Variants in APOBEC3B observed in about 807,000 individuals in gnomAD.
APOBEC3B encodes the protein DNA dC->dU-editing enzyme APOBEC-3B.
In APOBEC3B, 29 loss-of-function variants were observed where a neutral mutation model predicts 53.4. The ratio of observed to expected loss-of-function variants is 0.54; its 90% confidence interval spans 0.40 to 0.74. The LOEUF is 0.74. Among genes scored for constraint, APOBEC3B ranks in the 30% least tolerant of loss-of-function variants. The pLI is 0.00. For synonymous variants in APOBEC3B, 132 were observed against 184.8 expected (o/e 0.71, Z 2.32); for missense variants, 347 against 496.2 (o/e 0.70, Z 2.86).
rs184400638 is a variant in APOBEC3B at position 38,987,555 on chromosome 22, G to T, written c.569+1143G>T. Among the ~76,000 whole-genome samples the T allele has an allele frequency of 8.7e-5, 13 of 148,614 alleles. 2 individuals are homozygous for T. In the South Asian group the frequency reaches 2.7e-3, roughly 30 times the overall value. On this transcript the variant is annotated intron_variant, in intron 4 of 7. Coordinates refer to ENST00000333467, the MANE Select transcript of APOBEC3B (RefSeq NM_004900.5). Reference sequence around the variant, plus strand: ...GATGATTGGAGCAATCAGGCATTTTGTTCTTAGCATTTTGATGGAATTTCT... The same window carrying T: ...GATGATTGGAGCAATCAGGCATTTTTTTCTTAGCATTTTGATGGAATTTCT...
chr22:38,983,656 A>G lies in APOBEC3B; in HGVS notation c.18-419A>G. Among the ~76,000 whole-genome samples the G allele has an allele frequency of 1.3e-5, 2 of 149,466 alleles. 1 individual carries two copies. The highest frequency in any genetic ancestry group is 3.0e-5 in the Non-Finnish European group (2 of 67,472). On this transcript the variant is annotated intron_variant, in intron 1 of 7. Transcript: ENST00000333467. ...CACTTAGAAGAGTGGCCTGGGCCTC[A>G]GAATTCAGTTCTACCATGATTTTAA...
Position 38,991,757 on chromosome 22 carries a change from G to A in APOBEC3B, c.1018+131G>A, listed in dbSNP as rs1329209893. ...GACTCTGGGACCTGACTTTGGGGTC[G>A]ATGGGAAGAGAGAGGCCAGGCCAGG... On this transcript the variant is annotated intron_variant, in intron 6 of 7. Coordinates refer to ENST00000333467, the MANE Select transcript of APOBEC3B (RefSeq NM_004900.5). The A allele has an allele frequency of 1.7e-5, 22 of 1,297,416 alleles. 3 individuals are homozygous for A. The highest frequency in any genetic ancestry group is 3.0e-5 in the African/African-American group (2 of 67,774). The allele number at this position is 1,297,416 out of a possible 1,614,324, so 80.4% of individuals were successfully genotyped here.
chr22:38,989,515 C>G lies in APOBEC3B; in HGVS notation c.628C>G (p.Arg210Gly). ...FNFNNDPLVL[R>G]RRQTYLCYEV... ...CTTTAATAATGACCCTTTGGTCCTT[C>G]GACGGCGCCAGACCTACTTGTGCTA... The change falls in exon 5 of 8, where the codon CGA becomes GGA. Residue 210 changes from arginine to glycine, a missense_variant. Physicochemically the swap from Arg to Gly is moderately radical, Grantham distance 125 (BLOSUM62 -2). This residue lies in a region of APOBEC3B where 156 missense variants were observed against 166.7 expected (regional missense o/e 0.94). Coordinates refer to ENST00000333467, the MANE Select transcript of APOBEC3B (RefSeq NM_004900.5). 6.3e-7 allele frequency: 1 copy of G among 1,588,684 alleles called. No individual in the cohort carries two copies.
intron 5 of APOBEC3B, among the ~76,000 whole-genome samples, 176 bp downstream of exon 5, chr22:38,989,786 A>G (rs562770901): frequency 6.7e-6 from 1 of 148,334 alleles, no homozygotes; most frequent in Non-Finnish European, 1.5e-5. Context: ...GTGACTCTCC[A>G]TGGCCAGGTG....
intron 4 of APOBEC3B, among the ~76,000 whole-genome samples, chr22:38,989,022 C>T (rs1195598718): frequency 6.8e-6 from 1 of 147,806 alleles, no homozygotes; most frequent in Non-Finnish European, 1.5e-5. Context: ...CAGGAGTGTC[C>T]CTGCCCCAAT....
chr22:38,983,088 G>A (rs1308135271), intron 1 of APOBEC3B, among the ~76,000 whole-genome samples: 2 of 148,158 alleles, frequency 1.3e-5, no homozygotes, highest in African/African-American at 4.9e-5. Flanking sequence ...GGAGGCCAAG[G>A]CGGGCGGATC....
rs1569039133 is a variant in APOBEC3B, at chr22:38,988,730, T to TTTCTTTCTTTCC, written c.570-716_570-715insCTTCTTTCTTTC. 9.5e-5 allele frequency among the ~76,000 whole-genome samples: 13 copies of TTTCTTTCTTTCC among 137,026 alleles called. 1 individual carries two copies. Among genetic ancestry groups the TTTCTTTCTTTCC allele is most frequent in the Admixed American group, 1.6e-4 (2 of 12,874 alleles). The allele number at this position is 137,026 out of a possible 152,430, so 89.9% of individuals were successfully genotyped here. A position where few individuals can be genotyped will look rare whatever the true frequency, so the allele number is the denominator to read the frequency against. On this transcript the variant is annotated intron_variant, in intron 4 of 7. Transcript: ENST00000333467. ...CTTTCTTTCTTTCTTTCTTTCTTTCTTTCTTTCTTTCTTTCTTCCTTTCTT... is the reference window on the plus strand; with the variant it reads ...CTTTCTTTCTTTCTTTCTTTCTTTCTTTCTTTCTTTCCTTCTTTCTTTCTTTCTTCCTTTCTT...
rs1923899223 is a variant in APOBEC3B at position 38,989,441 on chromosome 22, C to T, written c.570-16C>T. The T allele has an allele frequency of 1.3e-6, 2 of 1,553,792 alleles. No individual in the cohort carries two copies. Among genetic ancestry groups the T allele is most frequent in the Non-Finnish European group, 8.7e-7 (1 of 1,144,418 alleles). On this transcript the variant is annotated splice_polypyrimidine_tract_variant and intron_variant, in intron 4 of 7. Transcript: ENST00000333467. ...GGAGTCTTAGGGCTTTTGGTTTCCC[C>T]TGTCTTTGTCCACAGATACCTGATG...
chr22:38,985,244 T>C, intron 2 of APOBEC3B, among the ~76,000 whole-genome samples: 1 of 148,124 alleles, frequency 6.8e-6, no homozygotes, highest in South Asian at 2.2e-4. Flanking sequence ...TTTTGGTTTT[T>C]TTTTAAGACT....
intron 5 of APOBEC3B, 98 bp downstream of exon 5, chr22:38,989,708 G>A: frequency 8.2e-7 from 1 of 1,217,902 alleles, no homozygotes; most frequent in Non-Finnish European, 1.1e-6. Flanking sequence ...TTCCTGCAGT[G>A]TTTGTCACTT....
chr22:38,991,572 G>C lies in APOBEC3B; in HGVS notation c.964G>C (p.Ala322Pro). 1 of 1,592,744 alleles carries C rather than the reference G, an allele frequency of 6.3e-7. No homozygotes were observed. Among genetic ancestry groups the C allele is most frequent in the South Asian group, 1.1e-5 (1 of 88,730 alleles). Residue 322 changes from alanine to proline, a missense_variant, in exon 6 of 8, where the codon GCG (alanine) becomes CCG (proline). This residue lies in a region of APOBEC3B where 78 missense variants were observed against 103.9 expected (regional missense o/e 0.75). Coordinates refer to ENST00000333467, the MANE Select transcript of APOBEC3B (RefSeq NM_004900.5). ...TGATTACGACCCCCTATATAAGGAG[G>C]CGCTGCAAATGCTGCGGGATGCTGG... ...IYDYDPLYKE[A>P]LQMLRDAGAQ...
At chr22:38,984,961 G>C (rs2146288367) in intron 2 of APOBEC3B, among the ~76,000 whole-genome samples, 1 of 120,504 alleles carries the variant, frequency 8.3e-6, no homozygotes, top group African/African-American at 3.2e-5. Context: ...GAGTGCAATT[G>C]CACAATCTTG....
At position 38,989,559 on chromosome 22, in the gene APOBEC3B, C is replaced by T; in HGVS notation, c.672C>T (p.Asp224=). The change falls in exon 5 of 8, where the codon GAC becomes GAT. Residue 224 remains aspartate (D), a synonymous_variant. Transcript: ENST00000333467. ...TYLCYEVERL[D]NGTWVLMDQH... ...TGTGCTATGAGGTGGAGCGCCTGGA[C>T]AATGGCACCTGGGTCCTGATGGACC... 1 of 1,588,966 alleles carries T rather than the reference C, an allele frequency of 6.3e-7. No individual in the cohort carries two copies. Among genetic ancestry groups the T allele is most frequent in the African/African-American group, 1.3e-5 (1 of 74,294 alleles).
chr22:38,988,153 C>T (rs1282056216), intron 4 of APOBEC3B, among the ~76,000 whole-genome samples: 4 of 148,498 alleles, frequency 2.7e-5, no homozygotes, highest in Non-Finnish European at 5.9e-5. Context: ...ACTCACCTCT[C>T]ACCCTCAAAC....
intron 4 of APOBEC3B, 127 bp from the exon 5 acceptor site, chr22:38,989,330 A>T (rs917254302): frequency 3.6e-5 from 31 of 852,662 alleles, no homozygotes; most frequent in Non-Finnish European, 5.1e-5. Flanking sequence ...AGGGAGTGGA[A>T]GCGCCTCCTC....
chr22:38,987,408 C>T (rs1221434827), intron 4 of APOBEC3B, among the ~76,000 whole-genome samples: 1 of 148,362 alleles, frequency 6.7e-6, no homozygotes, highest in Non-Finnish European at 1.5e-5. Flanking sequence ...CAGGCCAGAC[C>T]CCCTGCTGAG....
intron 4 of APOBEC3B, 62 bp from the exon 5 acceptor site, chr22:38,989,395 G>T: frequency 6.9e-7 from 1 of 1,444,090 alleles, no homozygotes; most frequent in South Asian, 1.4e-5. Context: ...TGCAGGAGAG[G>T]AGCGAGAGGT....
At position 38,989,361 on chromosome 22, in the gene APOBEC3B, G is replaced by T. The variant is rs775941409; in HGVS notation, c.570-96G>T. The T allele has an allele frequency of 6.4e-5, 78 of 1,225,366 alleles. 2 individuals carry two copies. The highest frequency in any genetic ancestry group is 8.6e-5 in the Non-Finnish European group (77 of 894,122). The allele number at this position is 1,225,366 out of a possible 1,614,324, so 75.9% of individuals were successfully genotyped here. A position where few individuals can be genotyped will look rare whatever the true frequency, so the allele number is the denominator to read the frequency against. ...TCCTCTGACAGGTGCCTCAGTATAT[G>T]GGGAGCAGGGAAGGAGTGGGGGGTG... is the stretch of plus-strand genomic sequence containing the variant. On this transcript the variant is annotated intron_variant, in intron 4 of 7. Transcript: ENST00000333467.
At position 38,992,607 on chromosome 22, in the gene APOBEC3B, C is replaced by T. The variant is rs1924057993; in HGVS notation, c.*162C>T. On this transcript the variant is annotated 3_prime_UTR_variant, in exon 8 of 8. Transcript: ENST00000333467. The stretch of plus-strand genomic sequence containing the variant: ...CTGATCAAGTAGATTTTTTAAAAAT[C>T]AGAGTCAATTAATTTTAATTGAAAA... 2 of 1,520,980 alleles carry T rather than the reference C, an allele frequency of 1.3e-6. No homozygotes were observed. Among genetic ancestry groups the T allele is most frequent in the South Asian group, 1.3e-5 (1 of 79,416 alleles). 94.2% of individuals were successfully genotyped at this position (1,520,980 alleles called of 1,614,324 possible). A position where few individuals can be genotyped will look rare whatever the true frequency, so the allele number is the denominator to read the frequency against.
Sources: gnomAD v4.1 joint callset for allele counts (sites outside exome capture counted in the v4.1 genomes callset) on GRCh38, gnomAD v4.1.1 for gene constraint, gnomAD v4.1.1 regional missense constraint, MANE v1.5 for transcripts, NCBI Gene and HGNC (gene_info 2026-07-23, HGNC 2026-07-21) for gene names.